MLIP: variants seen among roughly 807,000 people sequenced by gnomAD.
MLIP encodes muscular LMNA interacting protein.
In MLIP, 79 loss-of-function variants were observed where a neutral mutation model predicts 84.8. The observed-to-expected ratio is 0.93, with a 90% CI of 0.78 to 1.12. The LOEUF (loss-of-function observed/expected upper bound fraction) is 1.12. Among genes scored for constraint, MLIP ranks in the 50% most tolerant of loss-of-function variants. MLIP has a pLI of 0.00. For synonymous variants in MLIP, 504 were observed against 463.0 expected (o/e 1.09, Z -1.14); for missense variants, 1,257 against 1,160.6 (o/e 1.08, Z -1.21).
At chr6:54,248,286 C>T (rs1365567362) in intron 12 of MLIP, among the ~76,000 whole-genome samples, 1 of 151,986 alleles carries the variant, frequency 6.6e-6, no homozygotes, top group Non-Finnish European at 1.5e-5. Flanking sequence ...TGATGTTTTG[C>T]CTGTAGTACT....
At chr6:54,170,272 A>G (rs568278344) in intron 9 of MLIP, among the ~76,000 whole-genome samples, 37 of 151,886 alleles carry the variant, frequency 2.4e-4, no homozygotes, top group African/African-American at 8.4e-4. Context: ...CAAATTAGTA[A>G]ACTATTCCAT....
intron 11 of MLIP, among the ~76,000 whole-genome samples, chr6:54,205,611 T>A (rs1284715039): frequency 6.6e-6 from 1 of 152,240 alleles, no homozygotes; most frequent in African/African-American, 2.4e-5. Flanking sequence ...TGGGCAGCCT[T>A]TTGACCTGAT....
chr6:54,124,556 CAGTGGAACGATTTTACAAGAA>C lies in MLIP; in HGVS notation c.339_359del (p.Ser113_Glu119del). On this transcript the variant is annotated inframe_deletion, in exon 3 of 14. Transcript: ENST00000502396. ...CGAAATTGACTTGTCCTTCAGAGGT[CAGTGGAACGATTTTACAAGAA>C]AGGGAATTCGAAGCAAACAAACTTC... 6.2e-7 allele frequency: 1 copy of C among 1,614,136 alleles called. No homozygotes were observed. The highest frequency in any genetic ancestry group is 8.5e-7 in the Non-Finnish European group (1 of 1,180,030).
At chr6:54,098,153 T>TC (rs1768354803) in intron 1 of MLIP, among the ~76,000 whole-genome samples, 1 of 146,914 alleles carries the variant, frequency 6.8e-6, no homozygotes, top group Non-Finnish European at 1.5e-5. Flanking sequence ...TCTTTCTTTT[T>TC]TTTTTTTTTT....
intron 12 of MLIP, among the ~76,000 whole-genome samples, chr6:54,237,450 A>G (rs1441414809): frequency 6.6e-6 from 1 of 152,152 alleles, no homozygotes; most frequent in Non-Finnish European, 1.5e-5. Flanking sequence ...TATGTGGCTC[A>G]ATGACTTATA....
chr6:54,263,099 T>C (rs1783488638), intron 13 of MLIP, among the ~76,000 whole-genome samples: 1 of 151,998 alleles, frequency 6.6e-6, no homozygotes, highest in Non-Finnish European at 1.5e-5. Context: ...TGAGCAGAAG[T>C]CAGGAACTAA....
At chr6:54,191,945 T>C (rs1777960708) in intron 10 of MLIP, among the ~76,000 whole-genome samples, 1 of 151,644 alleles carries the variant, frequency 6.6e-6, no homozygotes, top group African/African-American at 2.4e-5. Context: ...ACATGTAAGT[T>C]CTTGGTTTAA....
intron 12 of MLIP, among the ~76,000 whole-genome samples, chr6:54,242,703 T>G (rs1239846470): frequency 6.6e-6 from 1 of 152,168 alleles, no homozygotes; most frequent in East Asian, 1.9e-4. Context: ...AATATTTAAA[T>G]CTAAAGATGT....
chr6:54,113,015 T>A (rs1265661650), intron 1 of MLIP, among the ~76,000 whole-genome samples: 2 of 152,198 alleles, frequency 1.3e-5, no homozygotes, highest in Non-Finnish European at 2.9e-5. Context: ...TGCAAGGTGT[T>A]TGAAGAAATA....
At chr6:54,224,050 T>C (rs1386009675) in intron 11 of MLIP, among the ~76,000 whole-genome samples, 2 of 151,904 alleles carry the variant, frequency 1.3e-5, no homozygotes, top group African/African-American at 2.4e-5. Flanking sequence ...AGAGGAAACA[T>C]TATTTAAGGA....
chr6:54,093,716 C>T (rs1391376812), intron 1 of MLIP, among the ~76,000 whole-genome samples: 9 of 152,196 alleles, frequency 5.9e-5, no homozygotes, highest in African/African-American at 9.7e-5. Flanking sequence ...CCTGTGCATC[C>T]GCACAGGCAC....
At chr6:54,062,992 C>A (rs886802177) in intron 1 of MLIP, among the ~76,000 whole-genome samples, 1 of 151,778 alleles carries the variant, frequency 6.6e-6, no homozygotes, top group Admixed American at 6.6e-5. Context: ...TACTTGAGGT[C>A]GCAGTTCGAG....
intron 3 of MLIP, among the ~76,000 whole-genome samples, chr6:54,129,607 A>C (rs1771213482): frequency 6.6e-6 from 1 of 152,202 alleles, no homozygotes; most frequent in South Asian, 2.1e-4. Flanking sequence ...ATAGCTTCTG[A>C]CCCGAGAGAT....
chr6:54,049,091 A>G (rs1765233636), intron 1 of MLIP, among the ~76,000 whole-genome samples: 1 of 152,188 alleles, frequency 6.6e-6, no homozygotes, highest in Non-Finnish European at 1.5e-5. Flanking sequence ...TTAATGTCTT[A>G]AATGTGGATA....
At chr6:54,249,835 G>C (rs565464620) in intron 12 of MLIP, among the ~76,000 whole-genome samples, 1 of 151,888 alleles carries the variant, frequency 6.6e-6, no homozygotes, top group African/African-American at 2.4e-5. Context: ...TCCATTTGCA[G>C]GTTTGTTACA....
chr6:54,213,209 G>T (rs1380407862), intron 11 of MLIP, among the ~76,000 whole-genome samples: 2 of 152,254 alleles, frequency 1.3e-5, no homozygotes, highest in East Asian at 3.9e-4. Context: ...AAATAATTTA[G>T]TTGTAGAACA....
At chr6:54,240,968 C>T (rs1447959641) in intron 12 of MLIP, among the ~76,000 whole-genome samples, 3 of 151,886 alleles carry the variant, frequency 2.0e-5, no homozygotes, top group Non-Finnish European at 4.4e-5. Context: ...GAGTGAGACT[C>T]CGTCTCAAAA....
chr6:54,191,798 T>C (rs1327234290), intron 10 of MLIP, among the ~76,000 whole-genome samples: 1 of 152,140 alleles, frequency 6.6e-6, no homozygotes, highest in African/African-American at 2.4e-5. Context: ...TTTAAAATGA[T>C]ATATTTGTTT....
chr6:54,235,613 C>A (rs1003394383), intron 12 of MLIP, among the ~76,000 whole-genome samples: 1 of 152,154 alleles, frequency 6.6e-6, no homozygotes, highest in Non-Finnish European at 1.5e-5. Context: ...ACAATTTCTA[C>A]AACTACCTAA....
Sources: allele counts gnomAD v4.1 joint callset (sites outside exome capture counted in the v4.1 genomes callset), GRCh38; gene constraint gnomAD v4.1.1; transcripts MANE v1.5; gene names NCBI Gene and HGNC (gene_info 2026-07-23, HGNC 2026-07-21).